Variants in ADAMTS5 observed in about 807,000 individuals in gnomAD.
ADAMTS5 encodes ADAM metallopeptidase with thrombospondin type 1 motif 5, also known as A disintegrin and metalloproteinase with thrombospondin motifs 5.
ADAMTS5 carries 54 observed loss-of-function variants against 81.4 expected under a neutral mutation model. That is an observed-to-expected ratio of 0.66 (90% CI 0.53 to 0.83). The LOEUF (loss-of-function observed/expected upper bound fraction) is 0.83. ADAMTS5 is among the 40% of genes least tolerant of loss of function. The pLI is 0.00. For missense variants in ADAMTS5, 1,194 were observed against 1,229.9 expected (o/e 0.97, Z 0.44); for synonymous variants, 532 against 508.8 (o/e 1.05, Z -0.61).
chr21:26,960,327 T>C (rs572999966), intron 1 of ADAMTS5, among the ~76,000 whole-genome samples: 1 of 152,236 alleles, frequency 6.6e-6, no homozygotes, highest in Non-Finnish European at 1.5e-5. Context: ...CTACTAATGT[T>C]CTTTTCAATG....
chr21:26,963,840 T>G (rs538299695), intron 1 of ADAMTS5, among the ~76,000 whole-genome samples: 1 of 152,032 alleles, frequency 6.6e-6, no homozygotes, highest in Non-Finnish European at 1.5e-5. Context: ...GAAAAAAATG[T>G]TTTCCATTGT....
At chr21:26,936,434 G>T (rs1370437594) in intron 3 of ADAMTS5, among the ~76,000 whole-genome samples, 3 of 152,114 alleles carry the variant, frequency 2.0e-5, no homozygotes, top group East Asian at 1.9e-4. Flanking sequence ...ATGTACTACA[G>T]TTATTCTTTT....
In ADAMTS5 at chr21:26,919,991, A is replaced by G. The variant is rs976643936; in HGVS notation, c.*4062T>C. 5.3e-5 allele frequency: 8 copies of G among 152,108 alleles called. No individual in the cohort carries two copies. The highest frequency in any genetic ancestry group is 1.7e-4 in the African/African-American group (7 of 41,408). 9.4% of individuals were successfully genotyped at this position (152,108 alleles called of 1,614,324 possible). On this transcript the variant is annotated 3_prime_UTR_variant, in exon 8 of 8. Transcript: ENST00000284987. The stretch of plus-strand genomic sequence containing the variant: ...TAGTAGTTTTGAAATGTTAGCAAAT[A>G]TAAGGTATTTGTAAAGCATCTTTCA...
intron 1 of ADAMTS5, among the ~76,000 whole-genome samples, chr21:26,962,110 G>A (rs576879608): frequency 1.3e-5 from 2 of 150,970 alleles, no homozygotes; most frequent in East Asian, 4.0e-4. Context: ...CTATGAAAGA[G>A]TAAGGTTTTT....
Position 26,966,378 on chromosome 21 carries a change from C to T in ADAMTS5, c.14G>A (p.Trp5Ter), listed in dbSNP as rs919899121. 1.3e-6 allele frequency: 2 copies of T among 1,488,616 alleles called. No homozygotes were observed. The highest frequency in any genetic ancestry group is 1.8e-6 in the Non-Finnish European group (2 of 1,129,608). 92.2% of individuals were successfully genotyped at this position (1,488,616 alleles called of 1,614,324 possible). A position where few individuals can be genotyped will look rare whatever the true frequency, so the allele number is the denominator to read the frequency against. The change falls in exon 1 of 8, where the codon TGG (tryptophan) becomes TAG (stop). Residue 5 changes from tryptophan (W) to a stop codon, truncating the protein, a stop_gained. Coordinates refer to ENST00000284987, the MANE Select transcript of ADAMTS5 (RefSeq NM_007038.5). LOFTEE classifies it high-confidence loss of function. ...GAACGCGCACAGCAGCAGGGACGCC[C>T]ACCCGAGCAGCATAGTGCGCTGCCC... is the stretch of plus-strand genomic sequence containing the variant. MLLG[W>*]ASLLLCAFRL... is the part of the protein sequence containing the mutation.
intron 3 of ADAMTS5, among the ~76,000 whole-genome samples, chr21:26,942,133 T>C (rs534011992): frequency 6.6e-6 from 1 of 152,244 alleles, no homozygotes; most frequent in South Asian, 2.1e-4. Context: ...AGCTAAAGCC[T>C]TACCTGTTCA....
intron 2 of ADAMTS5, 31 bp downstream of exon 2, chr21:26,954,708 T>A (rs200565374): frequency 8.1e-6 from 13 of 1,608,300 alleles, no homozygotes; most frequent in Middle Eastern, 1.7e-4. Context: ...AGTGTTTGAT[T>A]TGGTGAGGGA....
chr21:26,954,567 T>C (rs1987383259), intron 2 of ADAMTS5, among the ~76,000 whole-genome samples, 172 bp downstream of exon 2: 1 of 152,196 alleles, frequency 6.6e-6, no homozygotes. Context: ...TGACTTTGCC[T>C]TCCCTGTCGC....
rs1986627904 is a variant in ADAMTS5 at position 26,918,636 on chromosome 21, T to G, written c.*5417A>C. 6.6e-6 allele frequency: 1 copy of G among 152,010 alleles called. No individual in the cohort carries two copies. The highest frequency in any genetic ancestry group is 1.5e-5 in the Non-Finnish European group (1 of 67,938). 9.4% of individuals were successfully genotyped at this position (152,010 alleles called of 1,614,324 possible). A position where few individuals can be genotyped will look rare whatever the true frequency, so the allele number is the denominator to read the frequency against. ...AAAAATAGCATCCAGAGATTATATA[T>G]TTCTTAATCAAAAGTCTAGCTTTAC... On this transcript the variant is annotated 3_prime_UTR_variant, in exon 8 of 8. Transcript: ENST00000284987.
At chr21:26,933,788 T>C (rs1568841451) in intron 4 of ADAMTS5, among the ~76,000 whole-genome samples, 2 of 152,190 alleles carry the variant, frequency 1.3e-5, no homozygotes, top group Admixed American at 6.5e-5. Flanking sequence ...CTGTGTCAGG[T>C]TATCTGATGA....
In ADAMTS5 at chr21:26,923,080, A is replaced by G. The variant is rs956409283; in HGVS notation, c.*973T>C. ...GTGTTGAATGTGTTGGACATGATAGAAAACTTGCTGTGTGTTTTGTACGTA... is the reference window on the plus strand; with the variant it reads ...GTGTTGAATGTGTTGGACATGATAGGAAACTTGCTGTGTGTTTTGTACGTA... On this transcript the variant is annotated 3_prime_UTR_variant, in exon 8 of 8. Transcript: ENST00000284987. The G allele has an allele frequency of 1.3e-5, 2 of 152,338 alleles. No homozygotes were observed. Among genetic ancestry groups the G allele is most frequent in the East Asian group, 3.9e-4 (2 of 5,192 alleles). 9.4% of individuals were successfully genotyped at this position (152,338 alleles called of 1,614,324 possible).
At chr21:26,936,820 C>T (rs990247104) in intron 3 of ADAMTS5, among the ~76,000 whole-genome samples, 16 of 152,104 alleles carry the variant, frequency 1.1e-4, no homozygotes, top group African/African-American at 2.9e-4. Flanking sequence ...AGACAGAGTG[C>T]GATTAGGGCT....
At position 26,932,110 on chromosome 21, in the gene ADAMTS5, GT is replaced by G; in HGVS notation, c.1942del (p.Thr648LeufsTer20). Reference sequence around the variant, plus strand: ...ATATTTGGGAACCCATTCCACAAAAGTTTTGACTCCTTTTGCATCAGACTGA... The same window carrying G: ...ATATTTGGGAACCCATTCCACAAAAGTTTGACTCCTTTTGCATCAGACTGA... ...GYQSDAKGVK[T>X]FVEWVPKYAG... On this transcript the variant is annotated frameshift_variant, in exon 6 of 8. Transcript: ENST00000284987. LOFTEE classifies it high-confidence loss of function. 6.2e-7 allele frequency: 1 copy of G among 1,614,174 alleles called. No individual in the cohort carries two copies. The highest frequency in any genetic ancestry group is 8.5e-7 in the Non-Finnish European group (1 of 1,180,026).
chr21:26,939,099 A>G (rs953741592), intron 3 of ADAMTS5, among the ~76,000 whole-genome samples: 3 of 152,150 alleles, frequency 2.0e-5, no homozygotes, highest in African/African-American at 7.2e-5. Context: ...GTCTAATGTT[A>G]AAAGAAAAAT....
In ADAMTS5 at chr21:26,966,169, G is replaced by T; in HGVS notation, c.223C>A (p.Gln75Lys). 1 of 1,608,180 alleles carries T rather than the reference G, an allele frequency of 6.2e-7. No individual in the cohort carries two copies. Among genetic ancestry groups the T allele is most frequent in the Non-Finnish European group, 8.5e-7 (1 of 1,177,438 alleles). Residue 75 changes from glutamine (Q) to lysine (K), a missense_variant, in exon 1 of 8, where the codon CAG becomes AAG. Coordinates refer to ENST00000284987, the MANE Select transcript of ADAMTS5 (RefSeq NM_007038.5). ...CCGGAGTAGAGTTGGTCGATGTTCT[G>T]CACCAGCCCCTTGCTCCTGCGCCGC... ...AQRRRSKGLV[Q>K]NIDQLYSGGG...
chr21:26,933,327 C>T (rs1329534780), intron 4 of ADAMTS5, among the ~76,000 whole-genome samples: 2 of 152,134 alleles, frequency 1.3e-5, no homozygotes, highest in African/African-American at 4.8e-5. Context: ...TTCTACGGAC[C>T]ATTGTAAATT....
chr21:26,956,033 A>C (rs1278939929), intron 1 of ADAMTS5, among the ~76,000 whole-genome samples: 1 of 152,158 alleles, frequency 6.6e-6, no homozygotes, highest in East Asian at 1.9e-4. Context: ...TGTTTCATTG[A>C]GTTGTGACCT....
Position 26,965,722 on chromosome 21 carries a change from C to G in ADAMTS5, c.670G>C (p.Ala224Pro). 2 of 1,588,772 alleles carry G rather than the reference C, an allele frequency of 1.3e-6. No individual in the cohort carries two copies. Among genetic ancestry groups the G allele is most frequent in the South Asian group, 2.3e-5 (2 of 87,808 alleles). ...STPEAHEHAP[A>P]HSNPSGRAAL... is the part of the protein sequence containing the mutation. Reference sequence around the variant, plus strand: ...GCGCGTCCGCTCGGGTTGCTGTGCGCCGGAGCATGCTCGTGGGCCTCCGGT... The same window carrying G: ...GCGCGTCCGCTCGGGTTGCTGTGCGGCGGAGCATGCTCGTGGGCCTCCGGT... The change falls in exon 1 of 8, where the codon GCG becomes CCG. Residue 224 changes from alanine (A) to proline (P), a missense_variant. By Grantham distance (27) the Ala-to-Pro change is conservative. Around this residue, in one of 2 missense-constraint regions of ADAMTS5, gnomAD observed 498 missense variants for 412.3 expected, o/e 1.21. Coordinates refer to ENST00000284987, the MANE Select transcript of ADAMTS5 (RefSeq NM_007038.5).
chr21:26,946,091 C>T (rs1987210224), intron 2 of ADAMTS5, among the ~76,000 whole-genome samples: 1 of 152,194 alleles, frequency 6.6e-6, no homozygotes, highest in African/African-American at 2.4e-5. Context: ...AAGTAACAGG[C>T]AGCCAGTTCC....
Sources: allele counts gnomAD v4.1 joint callset (sites outside exome capture counted in the v4.1 genomes callset), GRCh38; gene constraint gnomAD v4.1.1; regional missense constraint gnomAD v4.1.1; transcripts MANE v1.5; gene names NCBI Gene and HGNC (gene_info 2026-07-23, HGNC 2026-07-21).